The following BRIX1 variants were observed in gnomAD, a reference collection of about 807,000 sequenced individuals.
BRIX1 encodes biogenesis of ribosomes BRX1, also known as ribosome biogenesis protein BRX1 homolog.
Under a neutral mutation model 44.0 loss-of-function variants are expected in BRIX1, and 15 were observed. The observed-to-expected ratio is 0.34, with a 90% confidence interval of 0.23 to 0.53. The LOEUF is 0.53. BRIX1 is among the 20% of genes least tolerant of loss of function. The pLI is 0.95. For missense variants in BRIX1, 420 were observed against 432.8 expected, an observed-to-expected ratio of 0.97 and a Z score of 0.26; for synonymous variants, 149 against 135.4, an observed-to-expected ratio of 1.10 and a Z score of -0.70.
Position 34,925,522 on chromosome 5 carries a change from AG to A in BRIX1, c.*28del. ...TCAATGGAAACCTGATTTGTTTTTCAGTTACTTTATATTTATTTTGTATTCA... is the reference window on the plus strand; with the variant it reads ...TCAATGGAAACCTGATTTGTTTTTCATTACTTTATATTTATTTTGTATTCA... On this transcript the variant is annotated 3_prime_UTR_variant, in exon 10 of 10. Transcript: ENST00000336767. The A allele has an allele frequency of 6.3e-7, 1 of 1,585,592 alleles. No homozygotes were observed. The highest frequency in any genetic ancestry group is 1.2e-5 in the South Asian group (1 of 86,566).
At chr5:34,918,498 A>G (rs1183048761) in intron 2 of BRIX1, 23 bp downstream of exon 2, 2 of 1,328,616 alleles carry the variant, frequency 1.5e-6, no homozygotes, top group Admixed American at 4.7e-5. Flanking sequence ...CATATACTTT[A>G]GAAATTTCTA....
chr5:34,925,230 G>A lies in BRIX1; in HGVS notation c.797G>A (p.Arg266Gln), dbSNP rs748776876. 8.5e-6 allele frequency: 13 copies of A among 1,531,064 alleles called. No homozygotes were observed. Among genetic ancestry groups the A allele is most frequent in the South Asian group, 2.5e-5 (2 of 79,178 alleles). 94.8% of individuals were successfully genotyped at this position (1,531,064 alleles called of 1,614,324 possible). ...ATCTTTTTTTTTTTTTTTTAGCATCGGCGTGTCATAAGATCCATCACAGCT... is the reference window on the plus strand; with the variant it reads ...ATCTTTTTTTTTTTTTTTTAGCATCAGCGTGTCATAAGATCCATCACAGCT... ...NPHYQSPNMH[R>Q]RVIRSITAAK... Residue 266 changes from arginine to glutamine, a missense_variant, in exon 10 of 10, where the codon CGG (arginine) becomes CAG (glutamine). Transcript: ENST00000336767.
chr5:34,923,198 C>G lies in BRIX1; in HGVS notation c.627C>G (p.Thr209=). 2 of 1,613,980 alleles carry G rather than the reference C, an allele frequency of 1.2e-6. No individual in the cohort carries two copies. Among genetic ancestry groups the G allele is most frequent in the Non-Finnish European group, 1.7e-6 (2 of 1,179,844 alleles). ...TTGTGGACCACGTGTTTACTTTCAC[C>G]ATTTTGGATAATAGGATATGGTTTC... The part of the protein sequence containing the change: ...QPFVDHVFTF[T]ILDNRIWFRN... Residue 209 remains threonine, a synonymous_variant, in exon 8 of 10, where the codon ACC becomes ACG. Coordinates refer to ENST00000336767, the MANE Select transcript of BRIX1 (RefSeq NM_018321.4).
intron 2 of BRIX1, 32 bp downstream of exon 2, chr5:34,918,507 T>A (rs1189049006): frequency 8.1e-7 from 1 of 1,240,246 alleles, no homozygotes; most frequent in African/African-American, 1.6e-5. Flanking sequence ...TAGAAATTTC[T>A]ATCTATAAAC....
intron 3 of BRIX1, chr5:34,921,067 G>A (rs1353849674): frequency 6.6e-6 from 1 of 152,024 alleles, no homozygotes; most frequent in African/African-American, 2.4e-5. Flanking sequence ...AGCTTTGCCA[G>A]GTTGCTCAGA....
intron 6 of BRIX1, 100 bp from the exon 7 acceptor site, chr5:34,922,901 A>G (rs1488963547): frequency 8.2e-7 from 1 of 1,226,736 alleles, no homozygotes; most frequent in Non-Finnish European, 1.2e-6. Context: ...TTTCAGGTAC[A>G]TTTATAATGA....
At chr5:34,916,266 C>G (rs1304186301) in intron 1 of BRIX1, 3 of 163,460 alleles carry the variant, frequency 1.8e-5, no homozygotes, top group Admixed American at 6.2e-5. Flanking sequence ...ATTAGTATGC[C>G]CATATACTGC....
chr5:34,921,141 A>G (rs1470148317), intron 3 of BRIX1: 2 of 152,232 alleles, frequency 1.3e-5, no homozygotes, highest in Admixed American at 6.5e-5. Flanking sequence ...TCATCCAGCC[A>G]TAAGTTGTTA....
chr5:34,921,600 G>A (rs1041407421), intron 3 of BRIX1: 1 of 152,002 alleles, frequency 6.6e-6, no homozygotes, highest in African/African-American at 2.4e-5. Context: ...TTTGTCAATG[G>A]GACTATGGGC....
chr5:34,923,116 T>TA lies in BRIX1; in HGVS notation c.562-16dup. 3 of 1,602,002 alleles carry TA rather than the reference T, an allele frequency of 1.9e-6. No homozygotes were observed. The Admixed American group carries it at 5.0e-5, about 27-fold the overall frequency. On this transcript the variant is annotated splice_polypyrimidine_tract_variant and intron_variant, in intron 7 of 9. Transcript: ENST00000336767. ...TATATCTTGGAATAAGGAACTAACA[T>TA]ACACTTTTTTAACTAGATCTTTAGT...
In BRIX1 at chr5:34,924,126, C is replaced by G. The variant is rs993311667; in HGVS notation, c.664-721C>G. Among the ~76,000 whole-genome samples, 3 of 152,172 alleles carry G rather than the reference C, an allele frequency of 2.0e-5. No homozygotes were observed. The South Asian group carries it at 6.2e-4, about 32-fold the overall frequency. On this transcript the variant is annotated intron_variant, in intron 8 of 9. Coordinates refer to ENST00000336767, the MANE Select transcript of BRIX1 (RefSeq NM_018321.4). Reference sequence around the variant, plus strand: ...GGCAGCGGTTAGATGATGAGTCACACAGTGACTCATTCAGGAGAAAAGAGG... The same window carrying G: ...GGCAGCGGTTAGATGATGAGTCACAGAGTGACTCATTCAGGAGAAAAGAGG...
chr5:34,924,864 TGCTCTTGTA>T lies in BRIX1; in HGVS notation c.683_691del (p.Ala228_Val230del), dbSNP rs1764336711. The T allele has an allele frequency of 1.2e-6, 2 of 1,605,664 alleles. No homozygotes were observed. Among genetic ancestry groups the T allele is most frequent in the East Asian group, 4.5e-5 (2 of 44,794 alleles). ...TATTAAAGATCATAGAAGAAGATGC[TGCTCTTGTA>T]GAAATAGGACCTCGTTTTGTCTTAA... is the stretch of plus-strand genomic sequence containing the variant. On this transcript the variant is annotated inframe_deletion, in exon 9 of 10. Coordinates refer to ENST00000336767, the MANE Select transcript of BRIX1 (RefSeq NM_018321.4).
Position 34,915,889 on chromosome 5 carries a change from G to T in BRIX1, c.151G>T (p.Val51Phe), listed in dbSNP as rs1363706598. The part of the protein sequence containing the change: ...EEERDRIPGP[V>F]CKGKWKNKER... ...AGAGAGGGACCGGATCCCAGGCCCCGTTTGCAAGGTAGGAGGGGATGTCCC... is the reference window on the plus strand; with the variant it reads ...AGAGAGGGACCGGATCCCAGGCCCCTTTTGCAAGGTAGGAGGGGATGTCCC... The change falls in exon 1 of 10, where the codon GTT (valine) becomes TTT (phenylalanine). Residue 51 changes from valine (V) to phenylalanine (F), a missense_variant. Physicochemically the swap from Val to Phe is conservative, Grantham distance 50. Coordinates refer to ENST00000336767, the MANE Select transcript of BRIX1 (RefSeq NM_018321.4). The T allele has an allele frequency of 5.1e-6, 8 of 1,553,814 alleles. No individual in the cohort carries two copies. The South Asian group carries it at 9.5e-5, about 18-fold the overall frequency.
chr5:34,921,094 GC>G (rs1294314250), intron 3 of BRIX1: 5 of 152,154 alleles, frequency 3.3e-5, no homozygotes, highest in African/African-American at 1.2e-4. Flanking sequence ...ACCTACCTCG[GC>G]CTCCCAAAGT....
intron 2 of BRIX1, 139 bp downstream of exon 2, chr5:34,918,614 C>A (rs1252943905): frequency 4.2e-6 from 2 of 478,664 alleles, no homozygotes; most frequent in Non-Finnish European, 7.4e-6. Flanking sequence ...TCAAGTGCCA[C>A]AATTTTTCCA....
rs767382140 is a variant in BRIX1, at chr5:34,918,521, C to T, written c.271+46C>T. 20 of 1,093,172 alleles carry T rather than the reference C, an allele frequency of 1.8e-5. No individual in the cohort carries two copies. In the Admixed American group the frequency reaches 3.0e-4, roughly 17 times the overall value. 67.7% of individuals were successfully genotyped at this position (1,093,172 alleles called of 1,614,324 possible). On this transcript the variant is annotated intron_variant, in intron 2 of 9. Coordinates refer to ENST00000336767, the MANE Select transcript of BRIX1 (RefSeq NM_018321.4). ...TTAGAAATTTCTATCTATAAACTTA[C>T]CTATTTTTATGTTTTCACTTATTTT...
intron 3 of BRIX1, chr5:34,921,760 C>T (rs984753350): frequency 2.6e-5 from 4 of 152,286 alleles, no homozygotes; most frequent in East Asian, 1.9e-4. Context: ...ACAAAATTAG[C>T]GGGGTGTGAT....
intron 1 of BRIX1, chr5:34,917,995 T>G (rs1021876454): frequency 6.4e-6 from 1 of 157,426 alleles, no homozygotes; most frequent in African/African-American, 2.4e-5. Flanking sequence ...TTGACTTGGT[T>G]ATGAGCTACT....
At chr5:34,921,668 G>A (rs1185703877) in intron 3 of BRIX1, 1 of 152,418 alleles carries the variant, frequency 6.6e-6, no homozygotes, top group East Asian at 1.9e-4. Context: ...CACTTTGGGA[G>A]GCTGAGGCAG....
Sources: gnomAD v4.1 joint callset for allele counts (sites outside exome capture counted in the v4.1 genomes callset) on GRCh38, gnomAD v4.1.1 for gene constraint, MANE v1.5 for transcripts, NCBI Gene and HGNC (gene_info 2026-07-23, HGNC 2026-07-21) for gene names.